The following IGFN1 variants were observed in gnomAD, a reference collection of about 807,000 sequenced individuals.
IGFN1 encodes the protein immunoglobulin like and fibronectin type III domain containing 1, also known as immunoglobulin-like and fibronectin type III domain-containing protein 1.
In IGFN1, 253 loss-of-function variants were observed where a neutral mutation model predicts 289.5. That is an observed-to-expected ratio of 0.87 (90% CI 0.79 to 0.97). The LOEUF (loss-of-function observed/expected upper bound fraction) is 0.97, where lower values mean the gene tolerates loss of function less well. Ranked by LOEUF, IGFN1 falls within the 50% of genes least tolerant of loss-of-function variation. The pLI, the probability that IGFN1 is intolerant of heterozygous loss-of-function variation, is 0.00. For synonymous variants in IGFN1, 1,706 were observed against 1,788.5 expected (o/e 0.95, Z 1.16); for missense variants, 4,470 against 4,686.1 (o/e 0.95, Z 1.35).
intron 18 of IGFN1, among the ~76,000 whole-genome samples, chr1:201,220,651 T>C (rs1337985640): frequency 6.6e-6 from 1 of 152,260 alleles, no homozygotes; most frequent in Non-Finnish European, 1.5e-5. Flanking sequence ...ATCTCAGGCC[T>C]CACCCCAGAC....
rs1558140653 is a variant in IGFN1, at chr1:201,206,433, T to G, written c.1540T>G (p.Trp514Gly). The stretch of plus-strand genomic sequence containing the variant: ...AAATCAATCCCACAGAGAGGGAGGC[T>G]GGGCCAGAAGCCTTGCAGAGAGGCC... ...RENQSHREGG[W>G]ARSLAERPHL... The change falls in exon 12 of 24, where the codon TGG becomes GGG. Residue 514 changes from tryptophan to glycine, a missense_variant. By Grantham distance (184) the Trp-to-Gly change is radical. Around this residue, in one of 8 missense-constraint regions of IGFN1, gnomAD observed 2,011 missense variants for 1,953.4 expected, o/e 1.03. Coordinates refer to ENST00000335211, the MANE Select transcript of IGFN1 (RefSeq NM_001164586.2). The G allele has an allele frequency of 6.4e-7, 1 of 1,551,138 alleles. No homozygotes were observed. Among genetic ancestry groups the G allele is most frequent in the Non-Finnish European group, 8.7e-7 (1 of 1,146,988 alleles).
At position 201,224,839 on chromosome 1, in the gene IGFN1, A is replaced by G. The variant is rs1289520423; in HGVS notation, c.10451A>G (p.Lys3484Arg). The change falls in exon 21 of 24, where the codon AAG (lysine) becomes AGG (arginine). Residue 3484 changes from lysine to arginine, a missense_variant. Lys to Arg is a conservative substitution (Grantham distance 26). This residue lies in a region of IGFN1 where 2,218 missense variants were observed against 2,114.1 expected (regional missense o/e 1.05). Transcript: ENST00000335211. ...YTVVLRTLQG[K>R]EVAHSFRIRV... ...GTGGTGCTGAGGACCCTGCAGGGGAAGGAGGTTGCCCACAGCTTCCGTATC... is the reference window on the plus strand; with the variant it reads ...GTGGTGCTGAGGACCCTGCAGGGGAGGGAGGTTGCCCACAGCTTCCGTATC... 6.2e-7 allele frequency: 1 copy of G among 1,613,924 alleles called. No individual in the cohort carries two copies. The highest frequency in any genetic ancestry group is 1.7e-5 in the Admixed American group (1 of 60,002).
chr1:201,202,865 C>G (rs1223837129), intron 9 of IGFN1, among the ~76,000 whole-genome samples: 1 of 151,478 alleles, frequency 6.6e-6, no homozygotes, highest in South Asian at 2.1e-4. Context: ...AAGTGATTCT[C>G]CTGCCTCAGC....
chr1:201,196,230 C>T (rs1182755081), intron 4 of IGFN1, among the ~76,000 whole-genome samples: 2 of 152,190 alleles, frequency 1.3e-5, no homozygotes. Flanking sequence ...TGAAGTCAGA[C>T]TGCTGGAGTT....
chr1:201,213,121 G>A lies in IGFN1; in HGVS notation c.8228G>A (p.Gly2743Asp). The change falls in exon 12 of 24, where the codon GGT becomes GAT. Residue 2743 changes from glycine to aspartate, a missense_variant. Coordinates refer to ENST00000335211, the MANE Select transcript of IGFN1 (RefSeq NM_001164586.2). Reference protein sequence around the residue: ...GPQGAWNGLDGPFGRKASRDR... With the variant: ...GPQGAWNGLDDPFGRKASRDR... ...CAGGGAGCCTGGAATGGCTTAGATG[G>A]TCCCTTTGGCAGAAAAGCCTCTAGA... 1 of 1,551,624 alleles carries A rather than the reference G, an allele frequency of 6.4e-7. No individual in the cohort carries two copies. The highest frequency in any genetic ancestry group is 8.7e-7 in the Non-Finnish European group (1 of 1,146,968).
At position 201,208,704 on chromosome 1, in the gene IGFN1, A is replaced by G. The variant is rs1415693915; in HGVS notation, c.3811A>G (p.Arg1271Gly). The G allele has an allele frequency of 6.5e-7, 1 of 1,537,032 alleles. No homozygotes were observed. The highest frequency in any genetic ancestry group is 8.7e-7 in the Non-Finnish European group (1 of 1,146,786). Reference protein sequence around the residue: ...GMGSADGPGCRKGIGSSGEMG... With the variant: ...GMGSADGPGCGKGIGSSGEMG... ...GGGATCAGCAGATGGGCCAGGTTGT[A>G]GGAAGGGTATTGGGAGTTCTGGGGA... The change falls in exon 12 of 24, where the codon AGG (arginine) becomes GGG (glycine). Residue 1271 changes from arginine (R) to glycine (G), a missense_variant. Physicochemically the swap from Arg to Gly is moderately radical, Grantham distance 125. Transcript: ENST00000335211.
chr1:201,219,187 C>A (rs753935007), intron 18 of IGFN1, among the ~76,000 whole-genome samples: 12 of 152,376 alleles, frequency 7.9e-5, no homozygotes, highest in Middle Eastern at 3.4e-3. Flanking sequence ...TAGTGTTGCC[C>A]ATCAGGCAGG....
At chr1:201,193,109 A>C in intron 1 of IGFN1, 138 bp from the exon 2 acceptor site, 1 of 591,460 alleles carries the variant, frequency 1.7e-6, no homozygotes, top group Non-Finnish European at 3.1e-6. Context: ...CAGTGCCATT[A>C]GTGGGTTAGA....
chr1:201,195,468 C>T (rs1410797472), intron 3 of IGFN1, among the ~76,000 whole-genome samples: 2 of 152,190 alleles, frequency 1.3e-5, no homozygotes, highest in African/African-American at 2.4e-5. Context: ...CACAAAATCT[C>T]ATTCCCTTCC....
chr1:201,207,186 G>C lies in IGFN1; in HGVS notation c.2293G>C (p.Val765Leu). Residue 765 changes from valine (V) to leucine (L), a missense_variant, in exon 12 of 24, where the codon GTA becomes CTA. Val to Leu is a conservative substitution (Grantham distance 32). Coordinates refer to ENST00000335211, the MANE Select transcript of IGFN1 (RefSeq NM_001164586.2). ...EADGICRGES[V>L]VTGSAYKTGP... ...AGATGGTATATGCCGGGGGGAGTCT[G>C]TAGTTACAGGAAGTGCCTACAAAAC... 6.5e-7 allele frequency: 1 copy of C among 1,536,966 alleles called. No individual in the cohort carries two copies. Among genetic ancestry groups the C allele is most frequent in the Non-Finnish European group, 8.7e-7 (1 of 1,146,852 alleles).
chr1:201,210,734 T>G lies in IGFN1; in HGVS notation c.5841T>G (p.Gly1947=), dbSNP rs1294107787. 6.5e-7 allele frequency: 1 copy of G among 1,528,496 alleles called. No individual in the cohort carries two copies. The highest frequency in any genetic ancestry group is 8.7e-7 in the Non-Finnish European group (1 of 1,144,050). The allele number at this position is 1,528,496 out of a possible 1,614,324, so 94.7% of individuals were successfully genotyped here. A position where few individuals can be genotyped will look rare whatever the true frequency, so the allele number is the denominator to read the frequency against. Residue 1947 remains glycine, a synonymous_variant, in exon 12 of 24, where the codon GGT becomes GGG. Transcript: ENST00000335211. ...GSGSKEGFRD[G]LGGSEEMGSV... is the part of the protein sequence containing the mutation. ...GGAGTAAGGAAGGTTTCAGGGATGG[T>G]TTAGGGGGTTCTGAAGAAATGGGGT... is the stretch of plus-strand genomic sequence containing the variant.
intron 4 of IGFN1, among the ~76,000 whole-genome samples, chr1:201,196,319 G>C (rs956898407): frequency 6.6e-6 from 1 of 152,186 alleles, no homozygotes; most frequent in Non-Finnish European, 1.5e-5. Context: ...GTAAAAATGG[G>C]ATAATAATAG....
rs533614224 is a variant in IGFN1 at position 201,193,167 on chromosome 1, G to T, written c.-47-80G>T. The stretch of plus-strand genomic sequence containing the variant: ...TTTTCCAGCTCCCACCCCAGACATT[G>T]GCTGATGCACTGATGGTGTGGGAGG... On this transcript the variant is annotated intron_variant, in intron 1 of 23. Transcript: ENST00000335211. 4.3e-6 allele frequency: 3 copies of T among 695,364 alleles called. No homozygotes were observed. The East Asian group carries it at 8.3e-5, about 19-fold the overall frequency. 43.1% of individuals were successfully genotyped at this position (695,364 alleles called of 1,614,324 possible).
chr1:201,198,429 C>G (rs998162420), intron 5 of IGFN1, among the ~76,000 whole-genome samples: 6 of 150,122 alleles, frequency 4.0e-5, no homozygotes, highest in African/African-American at 1.2e-4. Flanking sequence ...AGCCACTGTG[C>G]TTGGCCTTTT....
intron 8 of IGFN1, 70 bp downstream of exon 8, chr1:201,200,481 C>T: frequency 7.7e-7 from 1 of 1,298,648 alleles, no homozygotes; most frequent in Non-Finnish European, 1.1e-6. Flanking sequence ...TGCCTCACAC[C>T]TGGAGGTGGG....
At position 201,216,602 on chromosome 1, in the gene IGFN1, G is replaced by C. The variant is rs1653315181; in HGVS notation, c.9444G>C (p.Trp3148Cys). The C allele has an allele frequency of 6.2e-7, 1 of 1,613,720 alleles. No homozygotes were observed. Among genetic ancestry groups the C allele is most frequent in the African/African-American group, 1.3e-5 (1 of 74,928 alleles). Residue 3148 changes from tryptophan (W) to cysteine (C), a missense_variant, in exon 16 of 24, where the codon TGG (tryptophan) becomes TGC (cysteine). Transcript: ENST00000335211. ...VERRQAGRST[W>C]LKVGEAPADS... ...GACGGCAGGCTGGCAGGAGCACTTG[G>C]CTGAAGGTGGGCGAGGCCCCCGCTG...
Position 201,199,351 on chromosome 1 carries a change from C to G in IGFN1, c.385C>G (p.Arg129Gly), listed in dbSNP as rs551806127. 6.4e-7 allele frequency: 1 copy of G among 1,552,040 alleles called. No individual in the cohort carries two copies. Among genetic ancestry groups the G allele is most frequent in the Admixed American group, 2.0e-5 (1 of 51,004 alleles). ...TVIEVGFRKN[R>G]KRHREPQEDL... Reference sequence around the variant, plus strand: ...TGTTGCAGTTGGCTTTCGGAAGAATCGGAAGAGGCACAGGGAACCGCAGGA... The same window carrying G: ...TGTTGCAGTTGGCTTTCGGAAGAATGGGAAGAGGCACAGGGAACCGCAGGA... Residue 129 changes from arginine (R) to glycine (G), a missense_variant, in exon 6 of 24, where the codon CGG becomes GGG. By Grantham distance (125) the Arg-to-Gly change is moderately radical (BLOSUM62 -2). Coordinates refer to ENST00000335211, the MANE Select transcript of IGFN1 (RefSeq NM_001164586.2).
Position 201,201,839 on chromosome 1 carries a change from CT to C in IGFN1, c.747+8del. ...CAAGATTTACCTGTATAAGGTGAGG[CT>C]GGAGGGGCTATGGGTGGGGGGGATC... On this transcript the variant is annotated splice_region_variant and intron_variant, in intron 9 of 23. Coordinates refer to ENST00000335211, the MANE Select transcript of IGFN1 (RefSeq NM_001164586.2). 9.6e-7 allele frequency: 1 copy of C among 1,045,932 alleles called. No homozygotes were observed. Among genetic ancestry groups the C allele is most frequent in the Non-Finnish European group, 1.4e-6 (1 of 696,962 alleles). 64.8% of individuals were successfully genotyped at this position (1,045,932 alleles called of 1,614,324 possible). A position where few individuals can be genotyped will look rare whatever the true frequency, so the allele number is the denominator to read the frequency against.
At chr1:201,205,732 G>C (rs1231305621) in intron 11 of IGFN1, among the ~76,000 whole-genome samples, 1 of 152,238 alleles carries the variant, frequency 6.6e-6, no homozygotes, top group African/African-American at 2.4e-5. Context: ...ACATAAGTAA[G>C]GCAGGTGGTT....
Sources: gnomAD v4.1 joint callset for allele counts (sites outside exome capture counted in the v4.1 genomes callset) on GRCh38, gnomAD v4.1.1 for gene constraint, gnomAD v4.1.1 regional missense constraint, MANE v1.5 for transcripts, NCBI Gene and HGNC (gene_info 2026-07-23, HGNC 2026-07-21) for gene names.